The following THSD4 variants were observed in gnomAD, a reference collection of about 807,000 sequenced individuals.
THSD4 encodes the protein thrombospondin type-1 domain-containing protein 4.
A neutral mutation model predicts 119.0 loss-of-function variants in THSD4; 69 were observed. The ratio of observed to expected loss-of-function variants is 0.58; its 90% CI spans 0.48 to 0.71. THSD4 has a LOEUF of 0.71. Ranked by LOEUF, THSD4 falls within the 30% of genes least tolerant of loss-of-function variation. THSD4 has a pLI of 0.00. For synonymous variants in THSD4, 524 were observed against 540.4 expected, an observed-to-expected ratio of 0.97 and a Z score of 0.42; for missense variants, 1,393 against 1,391.1, an observed-to-expected ratio of 1.00 and a Z score of -0.02.
chr15:71,155,032 C>T (rs1341739802), intron 3 of THSD4, 100 bp downstream of exon 3: 30 of 1,110,724 alleles, frequency 2.7e-5, no homozygotes, highest in Non-Finnish European at 1.4e-6. Context: ...TGAGTCACCA[C>T]TGATCCTGAA....
At chr15:71,146,730 G>A (rs2040665757) in intron 2 of THSD4, among the ~76,000 whole-genome samples, 1 of 152,174 alleles carries the variant, frequency 6.6e-6, no homozygotes, top group Admixed American at 6.5e-5. Flanking sequence ...GGGAAGCCCG[G>A]GAGGAGCCAT....
intron 7 of THSD4, among the ~76,000 whole-genome samples, chr15:71,424,583 C>T (rs528442468): frequency 1.3e-5 from 2 of 152,234 alleles, no homozygotes; most frequent in African/African-American, 4.8e-5. Context: ...ACATCAAAAA[C>T]GAATATCTGG....
intron 6 of THSD4, among the ~76,000 whole-genome samples, chr15:71,370,915 A>C (rs1272925895): frequency 6.6e-6 from 1 of 152,108 alleles, no homozygotes; most frequent in Non-Finnish European, 1.5e-5. Context: ...TGGGAGTCTA[A>C]GTCTCTTTGT....
At chr15:71,600,193 T>A (rs7169045) in intron 7 of THSD4, among the ~76,000 whole-genome samples, 144,417 of 152,318 alleles carry the variant, frequency 0.95, 68,962 homozygotes, top group Middle Eastern at 1. Flanking sequence ...ACTTACTCAC[T>A]CAGAAAGCTC....
chr15:71,698,653 A>AATAT (rs1555442870), intron 8 of THSD4, among the ~76,000 whole-genome samples: 1 of 139,850 alleles, frequency 7.2e-6, no homozygotes, highest in African/African-American at 2.6e-5. Flanking sequence ...ATATACATGA[A>AATAT]ATATATACAT....
At position 71,406,088 on chromosome 15, in the gene THSD4, A is replaced by G. The variant is rs558678153; in HGVS notation, c.1016-5599A>G. ...CGCATGAGCACCGTCCCTGGCCCTC[A>G]AAGTATTTTCTAATTTTCCTGTGTT... On this transcript the variant is annotated intron_variant, in intron 6 of 17. Transcript: ENST00000261862. Among the ~76,000 whole-genome samples, 8 of 151,980 alleles carry G rather than the reference A, an allele frequency of 5.3e-5. No individual in the cohort carries two copies. In the South Asian group the frequency reaches 1.7e-3, roughly 32 times the overall value.
At chr15:71,224,966 G>A (rs989456568) in intron 4 of THSD4, among the ~76,000 whole-genome samples, 2 of 152,142 alleles carry the variant, frequency 1.3e-5, no homozygotes, top group Non-Finnish European at 2.9e-5. Context: ...TTAGGATGTG[G>A]ACATCTTTGG....
intron 7 of THSD4, among the ~76,000 whole-genome samples, chr15:71,533,143 T>C (rs1389522805): frequency 6.6e-6 from 1 of 152,224 alleles, no homozygotes; most frequent in African/African-American, 2.4e-5. Flanking sequence ...TTGAGCTGGG[T>C]TGCCCGTGGG....
chr15:71,481,721 C>T (rs753546609), intron 7 of THSD4, among the ~76,000 whole-genome samples: 2 of 152,090 alleles, frequency 1.3e-5, no homozygotes, highest in African/African-American at 2.4e-5. Context: ...CGTATATGCT[C>T]ATAGTTGGAT....
At chr15:71,376,619 C>G (rs575684913) in intron 6 of THSD4, among the ~76,000 whole-genome samples, 1 of 152,332 alleles carries the variant, frequency 6.6e-6, no homozygotes. Context: ...TTTGCAAACT[C>G]TTTGCCCAAA....
At chr15:71,725,580 G>A (rs981106706) in intron 8 of THSD4, among the ~76,000 whole-genome samples, 1 of 152,192 alleles carries the variant, frequency 6.6e-6, no homozygotes, top group Non-Finnish European at 1.5e-5. Context: ...GTGGTTCCCA[G>A]AAGCTGGGGT....
At chr15:71,560,088 A>G (rs1037788774) in intron 7 of THSD4, among the ~76,000 whole-genome samples, 1 of 152,144 alleles carries the variant, frequency 6.6e-6, no homozygotes, top group Non-Finnish European at 1.5e-5. Context: ...AAAAAACCTT[A>G]TTTTCTGATT....
At chr15:71,459,392 CTCTCTCTCTCTCTG>C (rs1297487760) in intron 7 of THSD4, among the ~76,000 whole-genome samples, 7 of 151,242 alleles carry the variant, frequency 4.6e-5, no homozygotes, top group African/African-American at 1.7e-4. Context: ...CTCTCTCTCT[CTCTCTCTCTCTCTG>C]TCTCTCTCTC....
At chr15:71,699,622 C>G (rs1057497782) in intron 8 of THSD4, among the ~76,000 whole-genome samples, 1 of 152,140 alleles carries the variant, frequency 6.6e-6, no homozygotes, top group Non-Finnish European at 1.5e-5. Context: ...ATACTTTCAT[C>G]AAGAGCTTCC....
intron 8 of THSD4, among the ~76,000 whole-genome samples, chr15:71,680,451 G>A (rs570343643): frequency 3.9e-5 from 6 of 152,282 alleles, no homozygotes; most frequent in African/African-American, 1.4e-4. Flanking sequence ...ATATTAACCT[G>A]TAAGATAATT....
At chr15:71,188,683 A>G (rs1008686630) in intron 3 of THSD4, 6 of 152,452 alleles carry the variant, frequency 3.9e-5, no homozygotes, top group African/African-American at 1.2e-4. Context: ...GGGTGAGGCA[A>G]ATGGATGTTC....
intron 4 of THSD4, among the ~76,000 whole-genome samples, chr15:71,240,389 C>T (rs1163992629): frequency 1.3e-5 from 2 of 152,124 alleles, no homozygotes; most frequent in Middle Eastern, 3.2e-3. Context: ...AATTTTCACC[C>T]TTTTGTTTGG....
chr15:71,767,828 G>T (rs562311821), intron 16 of THSD4, among the ~76,000 whole-genome samples: 2 of 152,264 alleles, frequency 1.3e-5, no homozygotes, highest in African/African-American at 4.8e-5. Flanking sequence ...TTTCTAGCAG[G>T]CAGCAAGGAA....
chr15:71,280,829 C>T (rs77330615), intron 6 of THSD4, among the ~76,000 whole-genome samples: 2,863 of 152,286 alleles, frequency 0.019, 101 homozygotes, highest in African/African-American at 0.066. Context: ...TTGTGCCCAG[C>T]ATACCCGCTG....
Sources: allele counts gnomAD v4.1 joint callset (sites outside exome capture counted in the v4.1 genomes callset), GRCh38; gene constraint gnomAD v4.1.1; transcripts MANE v1.5; gene names NCBI Gene and HGNC (gene_info 2026-07-23, HGNC 2026-07-21).